CCDC141: variants seen among roughly 807,000 people sequenced by gnomAD.
CCDC141 encodes the protein coiled-coil domain containing 141, also known as coiled-coil domain-containing protein 141.
Under a neutral mutation model 181.0 loss-of-function variants are expected in CCDC141, and 168 were observed. The observed-to-expected ratio is 0.93, with a 90% CI of 0.82 to 1.05. The LOEUF (loss-of-function observed/expected upper bound fraction) is 1.05, where lower values mean the gene tolerates loss of function less well. Ranked by LOEUF, CCDC141 falls within the 50% of genes least tolerant of loss-of-function variation. The probability of loss-of-function intolerance (pLI) is 0.00; values close to 1 mark genes in which losing one functional copy is unlikely to be tolerated. For synonymous variants in CCDC141, 666 were observed against 642.3 expected (o/e 1.04, Z -0.56); for missense variants, 1,902 against 1,788.5 (o/e 1.06, Z -1.14).
intron 8 of CCDC141, among the ~76,000 whole-genome samples, chr2:178,901,402 T>C (rs562520883): frequency 6.6e-6 from 1 of 152,092 alleles, no homozygotes; most frequent in South Asian, 2.1e-4. Context: ...AAAAAGCTTA[T>C]CCACCATGAT....
chr2:178,985,152 A>T (rs1342851141), intron 2 of CCDC141, among the ~76,000 whole-genome samples: 3 of 151,726 alleles, frequency 2.0e-5, no homozygotes, highest in Non-Finnish European at 2.9e-5. Flanking sequence ...AGAACTCAGG[A>T]TTAAGAATCT....
chr2:178,916,107 A>G (rs561809946), intron 7 of CCDC141, among the ~76,000 whole-genome samples: 1 of 152,272 alleles, frequency 6.6e-6, no homozygotes, highest in Admixed American at 6.5e-5. Flanking sequence ...AACCCCTCAC[A>G]GTTCTTGAGA....
intron 1 of CCDC141, among the ~76,000 whole-genome samples, chr2:179,049,205 C>T (rs1482929199): frequency 1.3e-5 from 2 of 152,148 alleles, no homozygotes; most frequent in Admixed American, 6.5e-5. Context: ...ATTGTAAACC[C>T]TAAGTGGCTT....
intron 5 of CCDC141, among the ~76,000 whole-genome samples, chr2:178,946,941 T>C (rs987154946): frequency 6.6e-5 from 10 of 152,182 alleles, no homozygotes; most frequent in African/African-American, 2.2e-4. Flanking sequence ...AGATGCACCC[T>C]GGAAAGAAAC....
At chr2:178,905,659 G>A (rs1284762420) in intron 7 of CCDC141, among the ~76,000 whole-genome samples, 158 bp from the exon 8 acceptor site, 2 of 152,188 alleles carry the variant, frequency 1.3e-5, no homozygotes, top group Non-Finnish European at 2.9e-5. Flanking sequence ...TTGGAAAACA[G>A]CTGTATAGTT....
At chr2:178,891,819 A>G (rs966417733) in intron 8 of CCDC141, among the ~76,000 whole-genome samples, 9 of 151,518 alleles carry the variant, frequency 5.9e-5, no homozygotes, top group African/African-American at 2.2e-4. Flanking sequence ...AACCTTGGAG[A>G]TTCTGTCTCA....
At chr2:178,988,752 A>G (rs1009178015) in intron 2 of CCDC141, among the ~76,000 whole-genome samples, 2 of 152,172 alleles carry the variant, frequency 1.3e-5, no homozygotes, top group African/African-American at 4.8e-5. Context: ...CTAAACTTCA[A>G]AACTTACTAC....
chr2:178,869,430 C>T (rs112819662), intron 14 of CCDC141, 125 bp from the exon 15 acceptor site: 8 of 629,282 alleles, frequency 1.3e-5, no homozygotes, highest in African/African-American at 1.1e-4. Context: ...ATTATGAATG[C>T]CCCCACCCTC....
intron 8 of CCDC141, among the ~76,000 whole-genome samples, chr2:178,897,229 T>C (rs752089824): frequency 9.8e-5 from 15 of 152,346 alleles, no homozygotes; most frequent in Non-Finnish European, 1.2e-4. Flanking sequence ...ACCACCAGAA[T>C]AGCATAAGCA....
the CCDC141 span, among the ~76,000 whole-genome samples, chr2:178,824,127 T>A: frequency 5.3e-5 from 8 of 151,822 alleles, no homozygotes. Flanking sequence ...ATAGTTTGTA[T>A]TCATTCACAA....
intron 18 of CCDC141, 101 bp downstream of exon 18, chr2:178,856,156 C>A: frequency 9.2e-7 from 1 of 1,092,876 alleles, no homozygotes; most frequent in Non-Finnish European, 1.3e-6. Flanking sequence ...TACAAAAAGC[C>A]AGAGTTAGGT....
At chr2:178,942,404 C>G (rs1173338946) in intron 6 of CCDC141, among the ~76,000 whole-genome samples, 5 of 152,032 alleles carry the variant, frequency 3.3e-5, no homozygotes, top group Non-Finnish European at 5.9e-5. Flanking sequence ...AATCTGAAAG[C>G]CTACATACTG....
At chr2:178,927,175 A>G (rs1688939403) in intron 6 of CCDC141, among the ~76,000 whole-genome samples, 3 of 152,174 alleles carry the variant, frequency 2.0e-5, no homozygotes, top group Admixed American at 2.0e-4. Context: ...TCTGGTTTTC[A>G]GCTCACCACT....
At chr2:178,815,436 C>T in the CCDC141 span, among the ~76,000 whole-genome samples, 1 of 152,106 alleles carries the variant, frequency 6.6e-6, no homozygotes, top group African/African-American at 2.4e-5. Context: ...AATGAGGAAG[C>T]TTTAGCAACA....
chr2:179,045,065 G>C (rs1178208504), intron 2 of CCDC141, among the ~76,000 whole-genome samples: 1 of 149,958 alleles, frequency 6.7e-6, no homozygotes, highest in Non-Finnish European at 1.5e-5. Context: ...CAATATGCAG[G>C]TTAGTTACAT....
At chr2:179,034,855 G>A (rs1229525311) in intron 2 of CCDC141, among the ~76,000 whole-genome samples, 1 of 152,076 alleles carries the variant, frequency 6.6e-6, no homozygotes, top group Non-Finnish European at 1.5e-5. Context: ...TTTGTAAATA[G>A]TCCATTTTTA....
chr2:179,042,522 ATTTT>A (rs1323072963), intron 2 of CCDC141, among the ~76,000 whole-genome samples: 1 of 152,066 alleles, frequency 6.6e-6, no homozygotes, highest in African/African-American at 2.4e-5. Flanking sequence ...TAATTTTTGT[ATTTT>A]TAATAGAGAC....
At chr2:178,827,474 G>T (rs1040211044), downstream of CCDC141, among the ~76,000 whole-genome samples, 2 of 151,880 alleles carry the variant, frequency 1.3e-5, no homozygotes, top group African/African-American at 4.8e-5. Flanking sequence ...TCTTACTTTG[G>T]TTATATGTCT....
chr2:178,868,243 T>A, intron 15 of CCDC141, 38 bp from the exon 16 acceptor site: 1 of 1,556,496 alleles, frequency 6.4e-7, no homozygotes, highest in East Asian at 2.3e-5. Flanking sequence ...CTGGGTTTTA[T>A]ATGAAGACAA....
Sources: allele counts gnomAD v4.1 joint callset (sites outside exome capture counted in the v4.1 genomes callset), GRCh38; gene constraint gnomAD v4.1.1; transcripts MANE v1.5; gene names NCBI Gene and HGNC (gene_info 2026-07-23, HGNC 2026-07-21).